Variants in ATP2B2 observed in about 807,000 individuals in gnomAD.
ATP2B2 encodes plasma membrane calcium-transporting ATPase 2.
ATP2B2 carries 15 observed loss-of-function variants against 120.0 expected under a neutral mutation model. The observed-to-expected ratio is 0.12, with a 90% CI of 0.08 to 0.19. The LOEUF (loss-of-function observed/expected upper bound fraction) is 0.19, where lower values mean the gene tolerates loss of function less well. Among genes scored for constraint, ATP2B2 ranks in the 10% least tolerant of loss-of-function variants. The pLI, the probability that ATP2B2 is intolerant of heterozygous loss-of-function variation, is 1.00. For missense variants in ATP2B2, 1,045 were observed against 1,719.8 expected (o/e 0.61, Z 6.94); for synonymous variants, 694 against 700.3 (o/e 0.99, Z 0.14).
At chr3:10,453,392 A>G (rs1055953762) in intron 1 of ATP2B2, among the ~76,000 whole-genome samples, 2 of 152,228 alleles carry the variant, frequency 1.3e-5, no homozygotes, top group East Asian at 3.8e-4. Flanking sequence ...TATGAGACCT[A>G]TTATCCCTAG....
intron 22 of ATP2B2, among the ~76,000 whole-genome samples, chr3:10,334,928 A>G (rs962395113): frequency 2.0e-5 from 3 of 152,186 alleles, no homozygotes; most frequent in African/African-American, 7.2e-5. Flanking sequence ...TAAGACTGAC[A>G]CTATGCCAAT....
chr3:10,684,589 T>C (rs1318176554), intron 1 of ATP2B2, among the ~76,000 whole-genome samples: 1 of 152,264 alleles, frequency 6.6e-6, no homozygotes, highest in Non-Finnish European at 1.5e-5. Context: ...CTGCCACTGA[T>C]ATGCTATCTG....
At chr3:10,420,454 C>T (rs773161042) in intron 2 of ATP2B2, among the ~76,000 whole-genome samples, 13 of 152,110 alleles carry the variant, frequency 8.5e-5, no homozygotes, top group Middle Eastern at 3.2e-3. Context: ...CTCCGCCTCC[C>T]GGCTTCAAGT....
At chr3:10,516,147 C>T (rs966912689) in intron 3 of ATP2B2, among the ~76,000 whole-genome samples, 11 of 152,236 alleles carry the variant, frequency 7.2e-5, no homozygotes, top group Non-Finnish European at 1.5e-4. Context: ...GAACCCTGGG[C>T]AGGCCCGCAA....
chr3:10,591,074 C>A (rs1200416965), intron 2 of ATP2B2, among the ~76,000 whole-genome samples: 3 of 151,970 alleles, frequency 2.0e-5, no homozygotes, highest in African/African-American at 7.3e-5. Context: ...ACTGGAATAA[C>A]TACAGTGCTG....
chr3:10,510,082 G>T (rs938033212), upstream of ATP2B2, among the ~76,000 whole-genome samples: 1 of 152,188 alleles, frequency 6.6e-6, no homozygotes, highest in Non-Finnish European at 1.5e-5. Context: ...GGTAGATAAG[G>T]GTTCCCAGAT....
chr3:10,663,550 G>C (rs538749160), intron 1 of ATP2B2, among the ~76,000 whole-genome samples: 26 of 152,208 alleles, frequency 1.7e-4, no homozygotes, highest in Non-Finnish European at 3.5e-4. Context: ...CTTCCTAAGG[G>C]GCCCCGCACC....
intron 1 of ATP2B2, among the ~76,000 whole-genome samples, chr3:10,651,471 T>C (rs555424370): frequency 1.1e-4 from 16 of 152,318 alleles, no homozygotes; most frequent in Admixed American, 2.6e-4. Flanking sequence ...CCACGTGAGA[T>C]GTGCCTTTCA....
At chr3:10,653,573 T>C (rs573102619) in intron 1 of ATP2B2, among the ~76,000 whole-genome samples, 27 of 152,312 alleles carry the variant, frequency 1.8e-4, no homozygotes, top group Admixed American at 1.6e-3. Flanking sequence ...AATCCCTGGA[T>C]GTAAATATGT....
chr3:10,504,285 G>A (rs545667633), intron 1 of ATP2B2, among the ~76,000 whole-genome samples: 1 of 152,078 alleles, frequency 6.6e-6, no homozygotes, highest in Admixed American at 6.5e-5. Context: ...TACTGCACAC[G>A]TCAAAGGAGA....
Position 10,347,201 on chromosome 3 carries a change from C to A in ATP2B2, c.2405-1064G>T, listed in dbSNP as rs148767133. On this transcript the variant is annotated intron_variant, in intron 16 of 22. Transcript: ENST00000360273. The surrounding 1 kb of genome is among the most constrained non-coding windows in gnomAD (Gnocchi z 5.2). ...TTCTCTTCTCTCATCCCCTGGCCAC[C>A]CCCAATCTGTGCTTACGGTCCCACA... 1.6e-3 allele frequency among the ~76,000 whole-genome samples: 250 copies of A among 152,280 alleles called. 2 individuals carry two copies. Among genetic ancestry groups the A allele is most frequent in the Middle Eastern group, 6.8e-3 (2 of 294 alleles).
At chr3:10,655,266 T>G (rs2070586594) in intron 1 of ATP2B2, among the ~76,000 whole-genome samples, 1 of 124,814 alleles carries the variant, frequency 8.0e-6, no homozygotes, top group South Asian at 2.5e-4. Context: ...CTCTCCTCCC[T>G]CTCCTATTGG....
Position 10,458,319 on chromosome 3 carries a change from C to T in ATP2B2, c.-319-8457G>A, listed in dbSNP as rs546310597. ...GCCACACAGAGCCCCCCAGTAACCTCAACCCCATGGTCAGGATGTGCAGGC... is the reference window on the plus strand; with the variant it reads ...GCCACACAGAGCCCCCCAGTAACCTTAACCCCATGGTCAGGATGTGCAGGC... On this transcript the variant is annotated intron_variant, in intron 1 of 22. Transcript: ENST00000360273. Among the ~76,000 whole-genome samples, 165 of 152,340 alleles carry T rather than the reference C, an allele frequency of 1.1e-3. 9 individuals are homozygous for T. In the South Asian group the frequency reaches 0.033, roughly 31 times the overall value.
intron 1 of ATP2B2, among the ~76,000 whole-genome samples, chr3:10,498,441 AC>A (rs1460318076): frequency 6.6e-6 from 1 of 152,238 alleles, no homozygotes; most frequent in Non-Finnish European, 1.5e-5. Flanking sequence ...TGGGGGCCTC[AC>A]TCAGCGTGGA....
intron 1 of ATP2B2, among the ~76,000 whole-genome samples, chr3:10,684,693 C>G (rs542498585): frequency 6.6e-6 from 1 of 152,148 alleles, no homozygotes; most frequent in Admixed American, 6.5e-5. Context: ...AAGAAGCATC[C>G]AATATGTCCG....
Position 10,375,777 on chromosome 3 carries a change from C to T in ATP2B2, c.1202-133G>A. 1 of 775,612 alleles carries T rather than the reference C, an allele frequency of 1.3e-6. No individual in the cohort carries two copies. Among genetic ancestry groups the T allele is most frequent in the Non-Finnish European group, 2.2e-6 (1 of 453,088 alleles). 48.0% of individuals were successfully genotyped at this position (775,612 alleles called of 1,614,324 possible). On this transcript the variant is annotated intron_variant, in intron 10 of 22. Transcript: ENST00000360273. This position sits in a 1 kb window ranked among gnomAD's most constrained non-coding sequence, Gnocchi z 4.2. The stretch of plus-strand genomic sequence containing the variant: ...CACCTCCCAGCTCTGCCACTCCTTG[C>T]TTTATGACCTGTGGCAAGTTCTTGA...
chr3:10,671,487 C>A (rs1406769400), intron 1 of ATP2B2, among the ~76,000 whole-genome samples: 1 of 152,136 alleles, frequency 6.6e-6, no homozygotes, highest in African/African-American at 2.4e-5. Flanking sequence ...AATCCCACAT[C>A]CCAGGAAGTC....
At chr3:10,565,849 C>G (rs1339120429) in intron 2 of ATP2B2, among the ~76,000 whole-genome samples, 1 of 152,202 alleles carries the variant, frequency 6.6e-6, no homozygotes, top group Non-Finnish European at 1.5e-5. Flanking sequence ...TTCTTACTAG[C>G]TGTGTGGCCT....
At chr3:10,435,022 C>T (rs2063433640) in intron 2 of ATP2B2, among the ~76,000 whole-genome samples, 1 of 152,220 alleles carries the variant, frequency 6.6e-6, no homozygotes, top group East Asian at 1.9e-4. Flanking sequence ...TAGGAATGAC[C>T]CTTCATTCCC....
Sources: allele counts gnomAD v4.1 joint callset (sites outside exome capture counted in the v4.1 genomes callset), GRCh38; gene constraint gnomAD v4.1.1; non-coding constraint Gnocchi (gnomAD v3.1); transcripts MANE v1.5; gene names NCBI Gene and HGNC (gene_info 2026-07-23, HGNC 2026-07-21).